GPR39: variants seen among roughly 807,000 people sequenced by gnomAD.
GPR39 encodes the protein G protein-coupled receptor 39.
GPR39 carries 23 observed loss-of-function variants against 18.4 expected under a neutral mutation model. The ratio of observed to expected loss-of-function variants is 1.25; its 90% confidence interval spans 0.90 to 1.77. The LOEUF is 1.77. GPR39 is among the 40% of genes most tolerant of loss of function. GPR39 has a pLI of 0.00. For missense variants in GPR39, 647 were observed against 602.4 expected, an observed-to-expected ratio of 1.07 and a Z score of -0.78; for synonymous variants, 280 against 257.9, an observed-to-expected ratio of 1.09 and a Z score of -0.82.
At chr2:132,544,025 A>G (rs1679901994) in intron 1 of GPR39, among the ~76,000 whole-genome samples, 1 of 152,190 alleles carries the variant, frequency 6.6e-6, no homozygotes, top group Admixed American at 6.5e-5. Context: ...GAAATTTAGA[A>G]CAGAGAATGG....
At chr2:132,554,744 C>CA (rs1680116302) in intron 1 of GPR39, among the ~76,000 whole-genome samples, 1 of 152,158 alleles carries the variant, frequency 6.6e-6, no homozygotes, top group Admixed American at 6.5e-5. Flanking sequence ...CAGCACGGCT[C>CA]ATTTCTCAAA....
intron 1 of GPR39, among the ~76,000 whole-genome samples, chr2:132,438,653 A>C (rs1038828879): frequency 6.9e-5 from 10 of 145,848 alleles, no homozygotes; most frequent in Non-Finnish European, 1.5e-5. Context: ...ATGTGGTCCC[A>C]TAAAACCTAA....
intron 1 of GPR39, among the ~76,000 whole-genome samples, chr2:132,600,403 C>A (rs1466470501): frequency 6.6e-6 from 1 of 151,610 alleles, no homozygotes; most frequent in Non-Finnish European, 1.5e-5. Context: ...AAGATGAGAG[C>A]AGAACTAAAC....
At chr2:132,429,874 A>G (rs1406075191) in intron 1 of GPR39, among the ~76,000 whole-genome samples, 2 of 152,230 alleles carry the variant, frequency 1.3e-5, no homozygotes, top group South Asian at 4.1e-4. Context: ...AAAGTAGGTA[A>G]TAGAATGATT....
intron 1 of GPR39, among the ~76,000 whole-genome samples, chr2:132,574,130 C>T (rs1680488934): frequency 6.6e-6 from 1 of 152,174 alleles, no homozygotes; most frequent in African/African-American, 2.4e-5. Flanking sequence ...TGTATTTAAA[C>T]ATTTCTCACT....
At chr2:132,538,753 A>G (rs1341426548) in intron 1 of GPR39, among the ~76,000 whole-genome samples, 2 of 152,192 alleles carry the variant, frequency 1.3e-5, no homozygotes, top group Non-Finnish European at 2.9e-5. Context: ...TGCTGCAGAG[A>G]TGCCCTGCCC....
At chr2:132,617,875 GAGA>G (rs1204948126) in intron 1 of GPR39, among the ~76,000 whole-genome samples, 2 of 152,164 alleles carry the variant, frequency 1.3e-5, no homozygotes, top group African/African-American at 2.4e-5. Context: ...TAGAAGTAAT[GAGA>G]AGGAGATAAT....
chr2:132,579,227 C>T (rs1199518745), intron 1 of GPR39, among the ~76,000 whole-genome samples: 3 of 151,042 alleles, frequency 2.0e-5, no homozygotes, highest in Non-Finnish European at 4.4e-5. Flanking sequence ...CTCTTTGATT[C>T]ATGGATTATT....
chr2:132,529,999 C>T lies in GPR39; in HGVS notation c.856+112101C>T, dbSNP rs528861185. 2.6e-3 allele frequency among the ~76,000 whole-genome samples: 390 copies of T among 152,184 alleles called. 2 individuals carry two copies. The highest frequency in any genetic ancestry group is 1.4e-3 in the Admixed American group (22 of 15,286). ...TCACCAGCAATGGAACAAAGCTGGA[C>T]GGAGAATGACTTTGACGAGTTGAGA... On this transcript the variant is annotated intron_variant, in intron 1 of 1. Transcript: ENST00000329321.
intron 1 of GPR39, among the ~76,000 whole-genome samples, chr2:132,432,543 C>T (rs544237919): frequency 6.6e-6 from 1 of 152,278 alleles, no homozygotes; most frequent in South Asian, 2.1e-4. Flanking sequence ...AATGCAGGAT[C>T]ATCTCTCTAC....
At chr2:132,515,856 A>G (rs1267778513) in intron 1 of GPR39, among the ~76,000 whole-genome samples, 3 of 152,194 alleles carry the variant, frequency 2.0e-5, no homozygotes, top group Non-Finnish European at 2.9e-5. Context: ...TTATTAAGTC[A>G]TAACCTTTTG....
chr2:132,550,249 T>G (rs1467495348), intron 1 of GPR39, among the ~76,000 whole-genome samples: 1 of 152,156 alleles, frequency 6.6e-6, no homozygotes, highest in Non-Finnish European at 1.5e-5. Context: ...ATGCTAATTT[T>G]AAAAAGAGAA....
intron 1 of GPR39, among the ~76,000 whole-genome samples, chr2:132,601,703 T>C (rs1285339708): frequency 1.3e-5 from 2 of 152,032 alleles, no homozygotes; most frequent in Non-Finnish European, 2.9e-5. Context: ...AACTTAGAAA[T>C]GATAAACAAA....
intron 1 of GPR39, among the ~76,000 whole-genome samples, chr2:132,564,811 T>C (rs2104806992): frequency 1.3e-5 from 1 of 77,624 alleles, no homozygotes; most frequent in African/African-American, 4.6e-5. Context: ...TTCTTTTTTC[T>C]TTTTTTTTTT....
chr2:132,625,879 A>G (rs1221232866), intron 1 of GPR39, among the ~76,000 whole-genome samples: 1 of 152,136 alleles, frequency 6.6e-6, no homozygotes, highest in African/African-American at 2.4e-5. Flanking sequence ...AGGCGGGTGG[A>G]TCACAAGGTT....
At position 132,417,093 on chromosome 2, in the gene GPR39, C is replaced by T; in HGVS notation, c.51C>T (p.His17=). The T allele has an allele frequency of 6.2e-7, 1 of 1,614,174 alleles. No homozygotes were observed. The highest frequency in any genetic ancestry group is 8.5e-7 in the Non-Finnish European group (1 of 1,180,040). ...GTGACTGCTCCCAAATCATTGATCA[C>T]AGTCATGTCCCCGAGTTTGAGGTGG... The part of the protein sequence containing the change: ...PGSDCSQIID[H]SHVPEFEVAT... Residue 17 remains histidine, a synonymous_variant, in exon 1 of 2, where the codon CAC becomes CAT. Transcript: ENST00000329321.
chr2:132,612,301 A>G (rs915224134), intron 1 of GPR39, among the ~76,000 whole-genome samples: 7 of 151,040 alleles, frequency 4.6e-5, no homozygotes, highest in Non-Finnish European at 7.4e-5. Context: ...CCCCCTCAAC[A>G]GCCTCCCCCT....
At chr2:132,427,131 C>CATATATATATATAT (rs199931479) in intron 1 of GPR39, among the ~76,000 whole-genome samples, 12 of 80,768 alleles carry the variant, frequency 1.5e-4, no homozygotes, top group South Asian at 4.5e-4. Context: ...TATATAGGTA[C>CATATATATATATAT]ATATATATAT....
chr2:132,617,025 C>T (rs1314050196), intron 1 of GPR39, among the ~76,000 whole-genome samples: 1 of 152,188 alleles, frequency 6.6e-6, no homozygotes, highest in Non-Finnish European at 1.5e-5. Flanking sequence ...CACAGTCAAA[C>T]AGTGCACACG....
Sources: allele counts gnomAD v4.1 joint callset (sites outside exome capture counted in the v4.1 genomes callset), GRCh38; gene constraint gnomAD v4.1.1; transcripts MANE v1.5; gene names NCBI Gene and HGNC (gene_info 2026-07-23, HGNC 2026-07-21).